RPGR: variants seen among roughly 807,000 people sequenced by gnomAD.
RPGR encodes the protein retinitis pigmentosa GTPase regulator.
A neutral mutation model predicts 56.3 loss-of-function variants in RPGR; 10 were observed. The observed-to-expected ratio is 0.18, with a 90% CI of 0.11 to 0.30. The LOEUF (loss-of-function observed/expected upper bound fraction) is 0.30, where lower values mean the gene tolerates loss of function less well. RPGR is among the 10% of genes least tolerant of loss of function. RPGR has a pLI of 1.00. For missense variants in RPGR, 538 were observed against 590.9 expected (o/e 0.91, Z 0.93); for synonymous variants, 197 against 212.9 (o/e 0.93, Z 0.65).
chrX:38,323,553 T>C lies in RPGR; in HGVS notation c.29-29A>G, dbSNP rs764050744. 47 of 1,196,078 alleles carry C rather than the reference T, an allele frequency of 3.9e-5. No homozygotes were observed. The African/African-American group carries it at 7.2e-4, about 18-fold the overall frequency. Reference sequence around the variant, plus strand: ...CAAATATAAGACGGTCTTTATTTTATAACTTTTACTATGTTGCCTGTTATT... The same window carrying C: ...CAAATATAAGACGGTCTTTATTTTACAACTTTTACTATGTTGCCTGTTATT... On this transcript the variant is annotated intron_variant, in intron 1 of 18. Coordinates refer to ENST00000642395, the MANE Select transcript of RPGR (RefSeq NM_000328.3).
At chrX:38,293,417 A>G (rs1172546227) in intron 11 of RPGR, among the ~76,000 whole-genome samples, 2 of 112,204 alleles carry the variant, frequency 1.8e-5, no homozygotes, top group African/African-American at 6.5e-5. Flanking sequence ...ACTACCTATT[A>G]CCAAATGAAG....
intron 15 of RPGR, among the ~76,000 whole-genome samples, chrX:38,283,960 G>A (rs181661728): frequency 1.8e-5 from 2 of 111,463 alleles, no homozygotes; most frequent in Non-Finnish European, 1.9e-5. Context: ...GGTCGAATTC[G>A]GTAAAGCAAT....
chrX:38,324,274 G>A (rs2068001946), intron 1 of RPGR, among the ~76,000 whole-genome samples: 1 of 111,057 alleles, frequency 9.0e-6, no homozygotes, highest in Admixed American at 9.6e-5. Flanking sequence ...TGCACAGACT[G>A]GGTTTTAGCA....
At chrX:38,285,317 T>C in intron 15 of RPGR, 1 of 1,061,770 alleles carries the variant, frequency 9.4e-7, no homozygotes. Context: ...TTTTTATAAT[T>C]TGGGGGGGAA....
At chrX:38,313,149 CTCTCAGAGTTGTTTCCA>C (rs1481096906) in intron 6 of RPGR, among the ~76,000 whole-genome samples, 1 of 111,805 alleles carries the variant, frequency 8.9e-6, no homozygotes, top group Non-Finnish European at 1.9e-5. Context: ...ATCTCTGTCT[CTCTCAGAGTTGTTTCCA>C]TCTTTCATGG....
intron 8 of RPGR, among the ~76,000 whole-genome samples, chrX:38,303,348 C>T (rs1408316740): frequency 1.8e-5 from 2 of 111,330 alleles, no homozygotes; most frequent in Non-Finnish European, 3.8e-5. Flanking sequence ...ACCACTTGCC[C>T]TCCAGGGACG....
At chrX:38,301,022 C>G (rs555065123) in intron 9 of RPGR, among the ~76,000 whole-genome samples, 79 of 111,444 alleles carry the variant, frequency 7.1e-4, no homozygotes, top group African/African-American at 2.3e-3. Context: ...GCAGAAGAGA[C>G]AAGATTTCAG....
chrX:38,300,842 T>C (rs763685463), intron 9 of RPGR, among the ~76,000 whole-genome samples: 15 of 112,473 alleles, frequency 1.3e-4, no homozygotes, highest in Non-Finnish European at 2.4e-4. Context: ...GCCAAAACGC[T>C]TTGTTTATTA....
At position 38,277,608 on chromosome X, in the gene RPGR, T is replaced by C. The variant is rs114320293; in HGVS notation, c.1906-836A>G. On this transcript the variant is annotated intron_variant, in intron 15 of 18. Transcript: ENST00000642395. ...GTTATAACTTTATAGTTTATTATAA[T>C]TAAGTTTATTATAACTGCTTCTAAA... Among the ~76,000 whole-genome samples, 845 of 111,809 alleles carry C rather than the reference T, an allele frequency of 7.6e-3. 9 individuals are homozygous for C. The highest frequency in any genetic ancestry group is 0.027 in the African/African-American group (819 of 30,822).
Position 38,297,466 on chromosome X carries a change from A to G in RPGR, c.1246-14T>C. On this transcript the variant is annotated splice_polypyrimidine_tract_variant and intron_variant, in intron 10 of 18. Transcript: ENST00000642395. ...TGGAGACCTCTCCTTTAAAATAAGCAGGTTAAACAAACTATTTCATGATGT... is the reference window on the plus strand; with the variant it reads ...TGGAGACCTCTCCTTTAAAATAAGCGGGTTAAACAAACTATTTCATGATGT... The G allele has an allele frequency of 8.5e-7, 1 of 1,181,167 alleles. No individual in the cohort carries two copies. The highest frequency in any genetic ancestry group is 1.2e-6 in the Non-Finnish European group (1 of 869,472).
At chrX:38,285,236 T>C in intron 15 of RPGR, 1 of 933,757 alleles carries the variant, frequency 1.1e-6, no homozygotes, top group East Asian at 5.9e-5. Flanking sequence ...TATTCCTGTT[T>C]CCTAAAGCTG....
intron 6 of RPGR, among the ~76,000 whole-genome samples, chrX:38,313,370 G>T (rs920096108): frequency 1.1e-4 from 12 of 112,235 alleles, no homozygotes; most frequent in Non-Finnish European, 2.1e-4. Flanking sequence ...AGACTGCCTT[G>T]TTTGCATGTG....
Position 38,282,756 on chromosome X carries a change from A to T in RPGR, c.1905+4338T>A, listed in dbSNP as rs767731257. Among the ~76,000 whole-genome samples, 5 of 99,180 alleles carry T rather than the reference A, an allele frequency of 5.0e-5. No individual in the cohort carries two copies. The South Asian group carries it at 2.4e-3, about 48-fold the overall frequency. 86.1% of individuals were successfully genotyped at this position (99,180 alleles called of 115,157 possible). A position where few individuals can be genotyped will look rare whatever the true frequency, so the allele number is the denominator to read the frequency against. On this transcript the variant is annotated intron_variant, in intron 15 of 18. Coordinates refer to ENST00000642395, the MANE Select transcript of RPGR (RefSeq NM_000328.3). ...AAATAATAGAAGACATTTCAGTTGC[A>T]CTCACCTTGACTGCTGCTGTTCAGC... is the stretch of plus-strand genomic sequence containing the variant.
chrX:38,321,643 G>C (rs1389690811), intron 3 of RPGR, among the ~76,000 whole-genome samples: 13 of 102,833 alleles, frequency 1.3e-4, no homozygotes, highest in African/African-American at 4.7e-4. Context: ...TTGGGTGACA[G>C]AGCAAGACCC....
Position 38,273,435 on chromosome X carries a change from A to G in RPGR, c.2192T>C (p.Leu731Pro). The G allele has an allele frequency of 8.3e-7, 1 of 1,206,629 alleles. No homozygotes were observed. Among genetic ancestry groups the G allele is most frequent in the Non-Finnish European group, 1.1e-6 (1 of 892,344 alleles). ...GCTTGGTGTTGTTTCACTGTTTTCTAGGATTTCTAATGAACTGCTATCTGC... is the reference window on the plus strand; with the variant it reads ...GCTTGGTGTTGTTTCACTGTTTTCTGGGATTTCTAATGAACTGCTATCTGC... Residue 731 changes from leucine to proline, a missense_variant, in exon 18 of 19, where the codon CTA (leucine) becomes CCA (proline). By Grantham distance (98) the Leu-to-Pro change is moderately conservative. Around this residue, in one of 2 missense-constraint regions of RPGR, gnomAD observed 357 missense variants for 325.8 expected, o/e 1.10. Coordinates refer to ENST00000642395, the MANE Select transcript of RPGR (RefSeq NM_000328.3).
At chrX:38,326,296 T>C (rs1412936697) in intron 1 of RPGR, among the ~76,000 whole-genome samples, 1 of 111,940 alleles carries the variant, frequency 8.9e-6, no homozygotes, top group East Asian at 2.8e-4. Flanking sequence ...GGAATGTCAG[T>C]TCCGGCCAGG....
At chrX:38,273,686 G>A in intron 17 of RPGR, 1 of 327,108 alleles carries the variant, frequency 3.1e-6, no homozygotes, top group Non-Finnish European at 5.4e-6. Flanking sequence ...AGTTGTAAAT[G>A]TTTAGATGAC....
At chrX:38,296,343 T>A (rs2067384410) in intron 11 of RPGR, among the ~76,000 whole-genome samples, 1 of 111,537 alleles carries the variant, frequency 9.0e-6, no homozygotes, top group African/African-American at 3.3e-5. Flanking sequence ...CCATTTACTT[T>A]AAAAAATATA....
intron 8 of RPGR, chrX:38,302,803 C>CTTTTTTTTTTTTTT (rs1289293091): frequency 1.8e-4 from 16 of 87,333 alleles, no homozygotes; most frequent in Non-Finnish European, 3.0e-4. Flanking sequence ...TTTAGACTAC[C>CTTTTTTTTTTTTTT]TTTTTTTTTT....
Sources: allele counts gnomAD v4.1 joint callset (sites outside exome capture counted in the v4.1 genomes callset), GRCh38; gene constraint gnomAD v4.1.1; regional missense constraint gnomAD v4.1.1; transcripts MANE v1.5; gene names NCBI Gene and HGNC (gene_info 2026-07-23, HGNC 2026-07-21).